The following RAPGEF6 variants were observed in gnomAD, a reference collection of about 807,000 sequenced individuals.
RAPGEF6 encodes the protein Rap guanine nucleotide exchange factor 6, also known as PDZ domain containing guanine nucleotide exchange factor (GEF) 2.
In RAPGEF6, 56 loss-of-function variants were observed where a neutral mutation model predicts 171.4. The observed-to-expected ratio is 0.33, with a 90% CI of 0.26 to 0.41. RAPGEF6 has a LOEUF of 0.41. Ranked by LOEUF, RAPGEF6 falls within the 10% of genes least tolerant of loss-of-function variation. The pLI is 1.00. For synonymous variants in RAPGEF6, 692 were observed against 650.1 expected, an observed-to-expected ratio of 1.06 and a Z score of -0.98; for missense variants, 1,674 against 1,921.4, an observed-to-expected ratio of 0.87 and a Z score of 2.41.
At chr5:131,511,885 T>A (rs1049655911) in intron 7 of RAPGEF6, among the ~76,000 whole-genome samples, 2 of 152,192 alleles carry the variant, frequency 1.3e-5, no homozygotes, top group Non-Finnish European at 2.9e-5. Context: ...TCCCTAGCTA[T>A]GTAAACTAAG....
Position 131,433,465 on chromosome 5 carries a change from A to C in RAPGEF6, c.3939T>G (p.Ala1313=). 6.2e-7 allele frequency: 1 copy of C among 1,613,568 alleles called. No homozygotes were observed. The highest frequency in any genetic ancestry group is 8.5e-7 in the Non-Finnish European group (1 of 1,179,498). The change falls in exon 25 of 28, where the codon GCT becomes GCG. Residue 1313 remains alanine, a synonymous_variant. Coordinates refer to ENST00000509018, the MANE Select transcript of RAPGEF6 (RefSeq NM_016340.6). ...GTTGACTATGATCTCCTATCCCTGAAGCGTGCTCTGTCTTTTCCAATGCCC... is the reference window on the plus strand; with the variant it reads ...GTTGACTATGATCTCCTATCCCTGACGCGTGCTCTGTCTTTTCCAATGCCC... The part of the protein sequence containing the change: ...STGALEKTEH[A]SGIGDHSQHG...
chr5:131,575,034 C>A (rs181220308), intron 4 of RAPGEF6, among the ~76,000 whole-genome samples: 1 of 152,244 alleles, frequency 6.6e-6, no homozygotes, highest in African/African-American at 2.4e-5. Context: ...AATTGTCTTA[C>A]CTATCCAGCC....
intron 17 of RAPGEF6, among the ~76,000 whole-genome samples, chr5:131,467,545 C>G (rs1754443914): frequency 6.6e-6 from 1 of 152,134 alleles, no homozygotes; most frequent in South Asian, 2.1e-4. Flanking sequence ...GTAGGAAAAC[C>G]ACATACATGC....
chr5:131,511,703 G>A (rs980318517), intron 7 of RAPGEF6, among the ~76,000 whole-genome samples: 3 of 151,938 alleles, frequency 2.0e-5, no homozygotes, highest in Admixed American at 2.0e-4. Flanking sequence ...AGGTTGCTAT[G>A]CTGCCCAGGC....
Position 131,439,590 on chromosome 5 carries a change from G to C in RAPGEF6, c.3736C>G (p.Pro1246Ala), listed in dbSNP as rs776917398. The change falls in exon 24 of 28, where the codon CCT (proline) becomes GCT (alanine). Residue 1246 changes from proline (P) to alanine (A), a missense_variant. Coordinates refer to ENST00000509018, the MANE Select transcript of RAPGEF6 (RefSeq NM_016340.6). ...SSPPASPQGS[P>A]HKGYTLIPSA... The stretch of plus-strand genomic sequence containing the variant: ...AAATGTTTTGTCTTACCTTTGTGAG[G>C]GGAGCCTTGAGGAGATGCAGGAGGA... 2 of 1,610,604 alleles carry C rather than the reference G, an allele frequency of 1.2e-6. No homozygotes were observed. Among genetic ancestry groups the C allele is most frequent in the East Asian group, 4.5e-5 (2 of 44,768 alleles).
intron 1 of RAPGEF6, among the ~76,000 whole-genome samples, chr5:131,607,941 G>C (rs147483892): frequency 7.8e-4 from 118 of 152,256 alleles, no homozygotes; most frequent in Middle Eastern, 3.4e-3. Flanking sequence ...TTTTTCATAA[G>C]ATAGGACATC....
At chr5:131,445,249 A>C (rs146639876) in intron 22 of RAPGEF6, among the ~76,000 whole-genome samples, 116 of 152,304 alleles carry the variant, frequency 7.6e-4, no homozygotes, top group South Asian at 6.4e-3. Context: ...TATAGCACTT[A>C]TTAAAAGGCT....
At chr5:131,538,604 T>G (rs1465098043) in intron 6 of RAPGEF6, among the ~76,000 whole-genome samples, 1 of 152,052 alleles carries the variant, frequency 6.6e-6, no homozygotes, top group Non-Finnish European at 1.5e-5. Context: ...TCGAACATCC[T>G]CGAATTTTAG....
chr5:131,507,989 A>T lies in RAPGEF6; in HGVS notation c.942+82T>A, dbSNP rs148315720. ...TAAATTTCAAAAATCAGTACTCAAA[A>T]ATCAGGACAAATTTATGGAAATTAA... On this transcript the variant is annotated intron_variant, in intron 9 of 27. Transcript: ENST00000509018. 7.4e-4 allele frequency: 942 copies of T among 1,279,750 alleles called. 6 individuals carry two copies. In the African/African-American group the frequency reaches 0.013, roughly 18 times the overall value. The allele number at this position is 1,279,750 out of a possible 1,614,324, so 79.3% of individuals were successfully genotyped here.
At chr5:131,566,210 A>C (rs1176316797) in intron 4 of RAPGEF6, among the ~76,000 whole-genome samples, 1 of 151,834 alleles carries the variant, frequency 6.6e-6, no homozygotes, top group South Asian at 2.1e-4. Context: ...CTAAAATATA[A>C]TAATAAAATT....
At chr5:131,557,585 G>C (rs1761319414) in intron 5 of RAPGEF6, among the ~76,000 whole-genome samples, 1 of 151,946 alleles carries the variant, frequency 6.6e-6, no homozygotes, top group Non-Finnish European at 1.5e-5. Flanking sequence ...CAATAGTTTT[G>C]GTATGGTGAG....
intron 21 of RAPGEF6, among the ~76,000 whole-genome samples, chr5:131,452,214 C>T (rs1422626427): frequency 4.1e-5 from 2 of 48,488 alleles, no homozygotes; most frequent in Non-Finnish European, 8.1e-5. Flanking sequence ...AGCGAGACTC[C>T]GTCTCAAAAA....
In RAPGEF6 at chr5:131,424,249, TTC is replaced by T. The variant is rs1282170723; in HGVS notation, c.*3015_*3016del. On this transcript the variant is annotated 3_prime_UTR_variant, in exon 28 of 28. Transcript: ENST00000509018. ...TTTTAAAAGATCAAGTTCAACTGCATTCTGTGTATCAAAAATAAAGAAGCATT... is the reference window on the plus strand; with the variant it reads ...TTTTAAAAGATCAAGTTCAACTGCATTGTGTATCAAAAATAAAGAAGCATT... 4.6e-5 allele frequency: 7 copies of T among 152,468 alleles called. No homozygotes were observed. The highest frequency in any genetic ancestry group is 1.7e-4 in the African/African-American group (7 of 41,582). The allele number at this position is 152,468 out of a possible 1,614,324, so 9.4% of individuals were successfully genotyped here. A position where few individuals can be genotyped will look rare whatever the true frequency, so the allele number is the denominator to read the frequency against.
In RAPGEF6 at chr5:131,431,115, A is replaced by C. The variant is rs1249502841; in HGVS notation, c.4209T>G (p.Val1403=). 5 of 1,614,200 alleles carry C rather than the reference A, an allele frequency of 3.1e-6. No homozygotes were observed. Among genetic ancestry groups the C allele is most frequent in the Non-Finnish European group, 4.2e-6 (5 of 1,180,028 alleles). ...HTHLDDPIAE[V]EPTDSEPYSC... ...AATAGGGCTCAGAGTCAGTGGGTTC[A>C]ACTTCAGCAATGGGGTCATCCAAAT... The change falls in exon 26 of 28, where the codon GTT becomes GTG. Residue 1403 remains valine, a synonymous_variant. Coordinates refer to ENST00000509018, the MANE Select transcript of RAPGEF6 (RefSeq NM_016340.6).
At chr5:131,616,813 T>C (rs923978871) in intron 1 of RAPGEF6, among the ~76,000 whole-genome samples, 4 of 151,940 alleles carry the variant, frequency 2.6e-5, no homozygotes, top group Non-Finnish European at 4.4e-5. Context: ...AAGGTCTATG[T>C]TGCCTAGGAT....
At chr5:131,604,807 A>G (rs1010129214) in intron 1 of RAPGEF6, 114 bp from the exon 2 acceptor site, 29 of 1,282,320 alleles carry the variant, frequency 2.3e-5, no homozygotes, top group Admixed American at 3.1e-5. Flanking sequence ...GCAGTTAACT[A>G]TGGAAAAATC....
At chr5:131,489,855 A>C (rs1246266282) in intron 14 of RAPGEF6, among the ~76,000 whole-genome samples, 3 of 151,506 alleles carry the variant, frequency 2.0e-5, no homozygotes, top group African/African-American at 7.3e-5. Context: ...TTTACTATAA[A>C]CTTTTTTTTT....
intron 4 of RAPGEF6, among the ~76,000 whole-genome samples, chr5:131,575,369 C>T (rs191080609): frequency 4.4e-4 from 67 of 152,328 alleles, no homozygotes; most frequent in Non-Finnish European, 7.8e-4. Flanking sequence ...CCCAACAGGA[C>T]ATCCTCCTGC....
chr5:131,506,933 A>C (rs190970936), intron 9 of RAPGEF6, among the ~76,000 whole-genome samples: 32 of 151,836 alleles, frequency 2.1e-4, no homozygotes, highest in South Asian at 6.2e-4. Flanking sequence ...TTTGTTCATC[A>C]AACTTTTGGG....
Sources: gnomAD v4.1 joint callset for allele counts (sites outside exome capture counted in the v4.1 genomes callset) on GRCh38, gnomAD v4.1.1 for gene constraint, MANE v1.5 for transcripts, NCBI Gene and HGNC (gene_info 2026-07-23, HGNC 2026-07-21) for gene names.